The following EHBP1 variants were observed in gnomAD, a reference collection of about 807,000 sequenced individuals.
EHBP1 encodes EH domain-binding protein 1.
Under a neutral mutation model 144.0 loss-of-function variants are expected in EHBP1, and 55 were observed. That is an observed-to-expected ratio of 0.38 (90% CI 0.31 to 0.48). The LOEUF is 0.48. Ranked by LOEUF, EHBP1 falls within the 20% of genes least tolerant of loss-of-function variation. EHBP1 has a pLI of 0.98. For missense variants in EHBP1, 1,200 were observed against 1,364.2 expected (o/e 0.88, Z 1.90); for synonymous variants, 469 against 472.7 (o/e 0.99, Z 0.10).
chr2:62,693,328 G>A (rs2033972900), intron 1 of EHBP1, among the ~76,000 whole-genome samples: 1 of 152,092 alleles, frequency 6.6e-6, no homozygotes, highest in African/African-American at 2.4e-5. Context: ...ACATGGGAGT[G>A]CAGAGATCTC....
At chr2:62,923,694 T>C (rs1295922312) in intron 10 of EHBP1, among the ~76,000 whole-genome samples, 1 of 152,128 alleles carries the variant, frequency 6.6e-6, no homozygotes, top group Admixed American at 6.5e-5. Context: ...GCATAAGGTG[T>C]GCAGTCCCCA....
intron 5 of EHBP1, among the ~76,000 whole-genome samples, chr2:62,773,904 G>A (rs1296434973): frequency 1.6e-5 from 2 of 124,440 alleles, no homozygotes; most frequent in Middle Eastern, 4.8e-3. Flanking sequence ...GAAGAATAAC[G>A]TGAGTAACAT....
intron 10 of EHBP1, among the ~76,000 whole-genome samples, chr2:62,905,806 A>G (rs931954970): frequency 2.4e-4 from 36 of 152,168 alleles, no homozygotes; most frequent in Admixed American, 1.4e-3. Flanking sequence ...CCTGGGCGAC[A>G]GGGTGAGACT....
intron 7 of EHBP1, among the ~76,000 whole-genome samples, chr2:62,849,903 G>A (rs2048559724): frequency 6.6e-6 from 1 of 152,186 alleles, no homozygotes; most frequent in South Asian, 2.1e-4. Context: ...CTGGCACTCA[G>A]TATGTATTTG....
chr2:62,750,800 A>G (rs531792400), intron 3 of EHBP1, among the ~76,000 whole-genome samples: 1 of 152,290 alleles, frequency 6.6e-6, no homozygotes, highest in African/African-American at 2.4e-5. Flanking sequence ...TTATTGGTGT[A>G]TAAGAATGCT....
At chr2:62,723,436 G>A (rs973904255) in intron 2 of EHBP1, among the ~76,000 whole-genome samples, 5 of 151,888 alleles carry the variant, frequency 3.3e-5, no homozygotes, top group African/African-American at 1.2e-4. Flanking sequence ...TCTTTATGCA[G>A]CTTTCCACTC....
At chr2:63,011,675 T>A (rs1027605180) in intron 19 of EHBP1, among the ~76,000 whole-genome samples, 4 of 151,956 alleles carry the variant, frequency 2.6e-5, no homozygotes, top group Non-Finnish European at 5.9e-5. Flanking sequence ...GGAGGGACAT[T>A]CCCTATTTTG....
At chr2:62,906,010 A>T (rs2053784270) in intron 10 of EHBP1, among the ~76,000 whole-genome samples, 1 of 151,834 alleles carries the variant, frequency 6.6e-6, no homozygotes. Context: ...GTTGTATATA[A>T]AAAAAAACTT....
intron 3 of EHBP1, among the ~76,000 whole-genome samples, chr2:62,753,094 C>G (rs1193924450): frequency 6.6e-6 from 1 of 152,136 alleles, no homozygotes; most frequent in African/African-American, 2.4e-5. Context: ...TTCTTCCTAG[C>G]ATCGATGGTC....
upstream of EHBP1, among the ~76,000 whole-genome samples, chr2:62,703,781 A>T (rs750673428): frequency 1.3e-5 from 2 of 152,194 alleles, no homozygotes; most frequent in Non-Finnish European, 2.9e-5. Flanking sequence ...ACCATTTAAA[A>T]CTTATTACTT....
intron 15 of EHBP1, among the ~76,000 whole-genome samples, chr2:62,981,618 A>G (rs1193845711): frequency 1.3e-5 from 2 of 152,238 alleles, no homozygotes; most frequent in Non-Finnish European, 2.9e-5. Flanking sequence ...AGGCTAAGCC[A>G]GGACTAGACT....
At chr2:62,679,876 G>C (rs2033450244) in intron 1 of EHBP1, among the ~76,000 whole-genome samples, 1 of 152,188 alleles carries the variant, frequency 6.6e-6, no homozygotes, top group South Asian at 2.1e-4. Context: ...GCTAAGCTGA[G>C]TCTTGGGCTA....
At chr2:63,029,269 A>G (rs2061126883) in intron 19 of EHBP1, among the ~76,000 whole-genome samples, 2 of 151,992 alleles carry the variant, frequency 1.3e-5, no homozygotes, top group African/African-American at 2.4e-5. Context: ...AGCTGCAGAG[A>G]TGGGTTTGTA....
At chr2:63,036,914 C>G (rs2061461617) in intron 19 of EHBP1, among the ~76,000 whole-genome samples, 1 of 151,638 alleles carries the variant, frequency 6.6e-6, no homozygotes, top group Non-Finnish European at 1.5e-5. Context: ...CACATGTTTT[C>G]TGAACATCAT....
chr2:63,037,945 ATAAAAT>A (rs1373954817), intron 20 of EHBP1, among the ~76,000 whole-genome samples: 3 of 152,288 alleles, frequency 2.0e-5, no homozygotes, highest in East Asian at 1.9e-4. Context: ...GGGAAGATAA[ATAAAAT>A]TAAAGTTTAT....
At chr2:62,740,344 A>AT (rs1264922076) in intron 2 of EHBP1, among the ~76,000 whole-genome samples, 1 of 152,124 alleles carries the variant, frequency 6.6e-6, no homozygotes, top group South Asian at 2.1e-4. Flanking sequence ...TATTTGTACA[A>AT]TTTTTTTCCC....
chr2:62,880,203 A>G (rs566870763), intron 10 of EHBP1, among the ~76,000 whole-genome samples: 12 of 152,320 alleles, frequency 7.9e-5, no homozygotes, highest in African/African-American at 2.9e-4. Flanking sequence ...ACCACATACA[A>G]AAATTAACTC....
intron 10 of EHBP1, among the ~76,000 whole-genome samples, chr2:62,906,459 A>G (rs1003137144): frequency 6.6e-6 from 1 of 152,210 alleles, no homozygotes; most frequent in Non-Finnish European, 1.5e-5. Flanking sequence ...GAACTTTAGC[A>G]TCAGCTTCTC....
intron 2 of EHBP1, among the ~76,000 whole-genome samples, chr2:62,729,514 A>AATATAT (rs70962791): frequency 3.5e-5 from 4 of 113,824 alleles, no homozygotes; most frequent in Admixed American, 2.3e-4. Context: ...AAATATAATA[A>AATATAT]AATAAATAAA....
Sources: allele counts gnomAD v4.1 joint callset (sites outside exome capture counted in the v4.1 genomes callset), GRCh38; gene constraint gnomAD v4.1.1; transcripts MANE v1.5; gene names NCBI Gene and HGNC (gene_info 2026-07-23, HGNC 2026-07-21).